Variants in MAP3K19 observed in about 807,000 individuals in gnomAD.
MAP3K19 encodes the protein SPS1/STE20-related protein kinase YSK4.
MAP3K19 carries 91 observed loss-of-function variants against 114.4 expected under a neutral mutation model. The ratio of observed to expected loss-of-function variants is 0.80; its 90% confidence interval spans 0.67 to 0.95. The LOEUF (loss-of-function observed/expected upper bound fraction) is 0.95. MAP3K19 is among the 40% of genes least tolerant of loss of function. The pLI, the probability that MAP3K19 is intolerant of heterozygous loss-of-function variation, is 0.00. For missense variants in MAP3K19, 1,471 were observed against 1,573.2 expected (o/e 0.94, Z 1.10); for synonymous variants, 518 against 530.5 (o/e 0.98, Z 0.32).
chr2:134,998,449 A>G (rs1209202125), intron 8 of MAP3K19, among the ~76,000 whole-genome samples: 1 of 152,226 alleles, frequency 6.6e-6, no homozygotes, highest in Non-Finnish European at 1.5e-5. Context: ...TCTAAACAAT[A>G]AGATATTCTC....
At chr2:135,011,889 C>T (rs538213980) in intron 5 of MAP3K19, among the ~76,000 whole-genome samples, 2 of 152,092 alleles carry the variant, frequency 1.3e-5, no homozygotes, top group Admixed American at 1.3e-4. Context: ...CATAGTGAGA[C>T]CCCATCTCTA....
chr2:135,043,972 G>A (rs531360320), intron 1 of MAP3K19, among the ~76,000 whole-genome samples: 1 of 152,200 alleles, frequency 6.6e-6, no homozygotes, highest in Non-Finnish European at 1.5e-5. Flanking sequence ...TGCTAGAATA[G>A]ATATTAGTTT....
At chr2:135,042,545 A>G (rs1419259649) in intron 1 of MAP3K19, among the ~76,000 whole-genome samples, 1 of 151,974 alleles carries the variant, frequency 6.6e-6, no homozygotes, top group Non-Finnish European at 1.5e-5. Flanking sequence ...AAAAGAAAAA[A>G]GAAAGAAGGC....
At chr2:135,015,786 GGGAGGC>G (rs1687546948) in intron 5 of MAP3K19, among the ~76,000 whole-genome samples, 1 of 151,936 alleles carries the variant, frequency 6.6e-6, no homozygotes, top group African/African-American at 2.4e-5. Flanking sequence ...CCAGCAACTC[GGGAGGC>G]GGAGGCAGGA....
chr2:134,996,546 C>T (rs1686008302), intron 8 of MAP3K19, among the ~76,000 whole-genome samples: 1 of 152,154 alleles, frequency 6.6e-6, no homozygotes. Flanking sequence ...AAGGGCAACT[C>T]ATCCAGTCTT....
At position 135,043,940 on chromosome 2, in the gene MAP3K19, G is replaced by C. The variant is rs368169466; in HGVS notation, c.-424+3245C>G. Among the ~76,000 whole-genome samples, 33 of 152,264 alleles carry C rather than the reference G, an allele frequency of 2.2e-4. No homozygotes were observed. In the South Asian group the frequency reaches 5.8e-3, roughly 27 times the overall value. On this transcript the variant is annotated intron_variant, in intron 1 of 12. Coordinates refer to ENST00000392915, the MANE Select transcript of MAP3K19 (RefSeq NM_025052.5). Reference sequence around the variant, plus strand: ...TAATTGACATTTATCATTACTACCTGTTACTCCTTTTGATTTAAACTTGCT... The same window carrying C: ...TAATTGACATTTATCATTACTACCTCTTACTCCTTTTGATTTAAACTTGCT...
chr2:134,986,785 C>T lies in MAP3K19; in HGVS notation c.2087G>A (p.Arg696His), dbSNP rs368406495. The T allele has an allele frequency of 8.7e-6, 14 of 1,613,992 alleles. No individual in the cohort carries two copies. Among genetic ancestry groups the T allele is most frequent in the African/African-American group, 8.0e-5 (6 of 74,898 alleles). The change falls in exon 10 of 13, where the codon CGT becomes CAT. Residue 696 changes from arginine to histidine, a missense_variant. Coordinates refer to ENST00000392915, the MANE Select transcript of MAP3K19 (RefSeq NM_025052.5). ...TGAAGATCGACATTTATTGGTGATA[C>T]GTCTGCCTGATGGAGCCGAACATAT... ...REICSAPSGR[R>H]ITNKCRSSHS... is the part of the protein sequence containing the mutation.
chr2:134,968,495 C>T, intron 12 of MAP3K19, among the ~76,000 whole-genome samples: 1 of 148,488 alleles, frequency 6.7e-6, no homozygotes, highest in African/African-American at 2.5e-5. Context: ...GGGGCTGACC[C>T]CCCACCTCCC....
intron 9 of MAP3K19, among the ~76,000 whole-genome samples, chr2:134,991,176 G>A (rs960550040): frequency 3.3e-5 from 5 of 151,818 alleles, no homozygotes; most frequent in Non-Finnish European, 5.9e-5. Context: ...TGGCGGGTGC[G>A]TGTAGTCCCA....
At chr2:134,995,270 C>T (rs1559162096) in intron 8 of MAP3K19, among the ~76,000 whole-genome samples, 1 of 149,726 alleles carries the variant, frequency 6.7e-6, no homozygotes, top group Non-Finnish European at 1.5e-5. Flanking sequence ...GAGCTGAGAT[C>T]GCGCCATTGC....
chr2:134,968,564 C>A (rs1256431624), intron 12 of MAP3K19, among the ~76,000 whole-genome samples: 1 of 149,546 alleles, frequency 6.7e-6, no homozygotes, highest in South Asian at 2.1e-4. Context: ...GGGGTGGCTG[C>A]CGGGCGGAGG....
rs752137407 is a variant in MAP3K19 at position 135,024,630 on chromosome 2, T to C, written c.18A>G (p.Lys6=). 6.2e-7 allele frequency: 1 copy of C among 1,613,380 alleles called. No homozygotes were observed. The highest frequency in any genetic ancestry group is 8.5e-7 in the Non-Finnish European group (1 of 1,179,496). The change falls in exon 4 of 13, where the codon AAA becomes AAG. Residue 6 remains lysine, a synonymous_variant. Coordinates refer to ENST00000392915, the MANE Select transcript of MAP3K19 (RefSeq NM_025052.5). ...ATGTGGAGTGAAAGTATTTACCTGG[T>C]TTTGGCATAGAACTCATTAAAATGT... is the stretch of plus-strand genomic sequence containing the variant. The part of the protein sequence containing the change: MSSMP[K]PERHAESLLD...
intron 8 of MAP3K19, 45 bp downstream of exon 8, chr2:134,998,693 T>C: frequency 6.5e-7 from 1 of 1,546,104 alleles, no homozygotes; most frequent in Non-Finnish European, 8.7e-7. Flanking sequence ...ACATAAATAT[T>C]TGTTGACCAA....
intron 8 of MAP3K19, among the ~76,000 whole-genome samples, chr2:134,995,971 G>T (rs1428172998): frequency 6.6e-6 from 1 of 151,690 alleles, no homozygotes; most frequent in Admixed American, 6.6e-5. Context: ...TAAGAGATGA[G>T]GTCTGTCACC....
At chr2:134,995,586 A>C (rs1318112584) in intron 8 of MAP3K19, among the ~76,000 whole-genome samples, 1 of 152,230 alleles carries the variant, frequency 6.6e-6, no homozygotes, top group Non-Finnish European at 1.5e-5. Context: ...GGTGCAATAC[A>C]CAGGATGGGA....
intron 2 of MAP3K19, among the ~76,000 whole-genome samples, chr2:135,032,355 T>TG (rs1558744129): frequency 1.4e-4 from 15 of 106,470 alleles, no homozygotes; most frequent in Middle Eastern, 4.7e-3. Flanking sequence ...AGACTCTGTC[T>TG]GAAAAAAAAA....
rs765978116 is a variant in MAP3K19, at chr2:135,021,673, T to C, written c.138+42A>G. On this transcript the variant is annotated intron_variant, in intron 5 of 12. Transcript: ENST00000392915. ...CAAGCAACACAAATAAAGTAGTAGA[T>C]GGAGTAGGCTGTCCGTTGTTTCTTT... The C allele has an allele frequency of 7.5e-6, 8 of 1,072,688 alleles. No individual in the cohort carries two copies. The Admixed American group carries it at 1.0e-4, about 14-fold the overall frequency. 66.4% of individuals were successfully genotyped at this position (1,072,688 alleles called of 1,614,324 possible).
At chr2:135,023,548 A>G in intron 4 of MAP3K19, 1 of 532,920 alleles carries the variant, frequency 1.9e-6, no homozygotes, top group Non-Finnish European at 3.8e-6. Context: ...TTGTATTTCC[A>G]TCTCCTGCAC....
intron 12 of MAP3K19, among the ~76,000 whole-genome samples, chr2:134,976,121 C>A (rs1218002709): frequency 6.6e-6 from 1 of 152,304 alleles, no homozygotes; most frequent in East Asian, 1.9e-4. Flanking sequence ...TCCAGGTAAA[C>A]ACAAGAAGAT....
Sources: allele counts gnomAD v4.1 joint callset (sites outside exome capture counted in the v4.1 genomes callset), GRCh38; gene constraint gnomAD v4.1.1; transcripts MANE v1.5; gene names NCBI Gene and HGNC (gene_info 2026-07-23, HGNC 2026-07-21).